Variants in PTPN4 observed in about 807,000 individuals in gnomAD.
The protein encoded by PTPN4 is tyrosine-protein phosphatase non-receptor type 4.
A neutral mutation model predicts 135.5 loss-of-function variants in PTPN4; 49 were observed. The observed-to-expected ratio is 0.36, with a 90% confidence interval of 0.29 to 0.46. PTPN4 has a LOEUF of 0.46. Ranked by LOEUF, PTPN4 falls within the 20% of genes least tolerant of loss-of-function variation. PTPN4 has a pLI of 1.00. For synonymous variants in PTPN4, 333 were observed against 369.9 expected, an observed-to-expected ratio of 0.90 and a Z score of 1.14; for missense variants, 860 against 1,101.0, an observed-to-expected ratio of 0.78 and a Z score of 3.10.
At chr2:119,831,104 G>A (rs1677213734) in intron 2 of PTPN4, among the ~76,000 whole-genome samples, 1 of 152,172 alleles carries the variant, frequency 6.6e-6, no homozygotes, top group Admixed American at 6.5e-5. Context: ...TTCTACCTGA[G>A]ATCTGGCATT....
At chr2:119,830,614 G>A (rs552875211) in intron 2 of PTPN4, among the ~76,000 whole-genome samples, 2 of 152,142 alleles carry the variant, frequency 1.3e-5, no homozygotes, top group African/African-American at 2.4e-5. Flanking sequence ...GATTATAGGC[G>A]CCCGTCACCA....
chr2:119,922,924 C>G (rs1211517727), intron 12 of PTPN4, among the ~76,000 whole-genome samples: 3 of 152,198 alleles, frequency 2.0e-5, no homozygotes, highest in Admixed American at 2.0e-4. Context: ...TCCATTTCAT[C>G]TAGGTTGTTG....
intron 25 of PTPN4, 33 bp downstream of exon 25, chr2:119,965,678 G>C: frequency 6.3e-7 from 1 of 1,586,074 alleles, no homozygotes; most frequent in Non-Finnish European, 8.6e-7. Context: ...TGAGTGTATA[G>C]CTGAACAGAT....
intron 3 of PTPN4, among the ~76,000 whole-genome samples, chr2:119,877,069 G>A (rs13390087): frequency 0.27 from 40,444 of 151,928 alleles, 5,456 homozygotes; most frequent in South Asian, 0.33. Context: ...TGAAATAGAG[G>A]TTGTTGCACA....
intron 10 of PTPN4, among the ~76,000 whole-genome samples, chr2:119,905,688 C>T (rs367823089): frequency 1.4e-4 from 22 of 152,158 alleles, no homozygotes; most frequent in African/African-American, 5.1e-4. Context: ...ACGTGAAACA[C>T]TCTTCAGAAA....
chr2:119,883,443 A>G (rs1218818929), intron 8 of PTPN4, among the ~76,000 whole-genome samples: 2 of 152,154 alleles, frequency 1.3e-5, no homozygotes, highest in African/African-American at 2.4e-5. Flanking sequence ...TATTCATTCA[A>G]CTTTGATTTT....
chr2:119,869,633 G>A (rs1461658393), intron 3 of PTPN4, among the ~76,000 whole-genome samples: 1 of 152,098 alleles, frequency 6.6e-6, no homozygotes, highest in Non-Finnish European at 1.5e-5. Context: ...TCCTCTGCCT[G>A]TGTAGGATTT....
intron 10 of PTPN4, among the ~76,000 whole-genome samples, chr2:119,901,923 A>C (rs1030658819): frequency 6.6e-6 from 1 of 152,220 alleles, no homozygotes; most frequent in Admixed American, 6.5e-5. Context: ...AACTTCAAAA[A>C]CCGAAAAGTG....
chr2:119,906,315 G>A (rs939390390), intron 10 of PTPN4, among the ~76,000 whole-genome samples: 13 of 152,098 alleles, frequency 8.5e-5, no homozygotes, highest in African/African-American at 2.9e-4. Context: ...CTGAGTGACA[G>A]TGTGAGACCT....
At chr2:119,898,504 A>C (rs1001296581) in intron 9 of PTPN4, among the ~76,000 whole-genome samples, 2 of 152,206 alleles carry the variant, frequency 1.3e-5, no homozygotes, top group Middle Eastern at 3.2e-3. Flanking sequence ...GGAGCCATTC[A>C]TGCTGCAAAA....
At chr2:119,761,185 G>A (rs961194538) in intron 1 of PTPN4, among the ~76,000 whole-genome samples, 1 of 152,180 alleles carries the variant, frequency 6.6e-6, no homozygotes, top group African/African-American at 2.4e-5. Context: ...AGTTGAAACA[G>A]TACAGCTGAT....
At chr2:119,845,745 T>G (rs1250964442) in intron 2 of PTPN4, among the ~76,000 whole-genome samples, 1 of 152,162 alleles carries the variant, frequency 6.6e-6, no homozygotes, top group Non-Finnish European at 1.5e-5. Flanking sequence ...TTTCTTTCTT[T>G]GTGCTTTGGG....
chr2:119,956,751 C>G (rs1312405739), intron 20 of PTPN4, 93 bp from the exon 21 acceptor site: 14 of 1,564,266 alleles, frequency 8.9e-6, no homozygotes. Flanking sequence ...GCAAAGAAAC[C>G]TGTTTCCTGT....
At chr2:119,971,121 T>C (rs1679527116) in intron 26 of PTPN4, among the ~76,000 whole-genome samples, 1 of 152,152 alleles carries the variant, frequency 6.6e-6, no homozygotes, top group Non-Finnish European at 1.5e-5. Context: ...CTTAATTGAC[T>C]CACAGTTCCC....
intron 1 of PTPN4, among the ~76,000 whole-genome samples, chr2:119,807,939 G>A (rs530249970): frequency 1.3e-5 from 2 of 152,224 alleles, no homozygotes; most frequent in African/African-American, 2.4e-5. Context: ...ATCAATAAAC[G>A]TAATCCATCA....
At chr2:119,842,702 G>A (rs1288860926) in intron 2 of PTPN4, among the ~76,000 whole-genome samples, 1 of 152,100 alleles carries the variant, frequency 6.6e-6, no homozygotes, top group Non-Finnish European at 1.5e-5. Flanking sequence ...TACAAATATA[G>A]TACAGAGAGG....
intron 24 of PTPN4, 81 bp from the exon 25 acceptor site, chr2:119,965,416 T>C: frequency 7.4e-7 from 1 of 1,345,080 alleles, no homozygotes; most frequent in East Asian, 2.4e-5. Flanking sequence ...CTCCCTTCTT[T>C]CCTGATGAAT....
intron 18 of PTPN4, 175 bp downstream of exon 18, chr2:119,946,749 T>G (rs1341141582): frequency 3.8e-6 from 2 of 528,124 alleles, no homozygotes; most frequent in East Asian, 3.3e-5. Flanking sequence ...TTGTTCTCTG[T>G]AAGTATTTAA....
intron 1 of PTPN4, among the ~76,000 whole-genome samples, chr2:119,765,885 G>C (rs1690605491): frequency 6.6e-6 from 1 of 150,980 alleles, no homozygotes; most frequent in Non-Finnish European, 1.5e-5. Flanking sequence ...TGTCTGGGTG[G>C]GTGTGGTTGT....
Sources: allele counts gnomAD v4.1 joint callset (sites outside exome capture counted in the v4.1 genomes callset), GRCh38; gene constraint gnomAD v4.1.1; transcripts MANE v1.5; gene names NCBI Gene and HGNC (gene_info 2026-07-23, HGNC 2026-07-21).